Variants in PDILT observed in about 807,000 individuals in gnomAD.
PDILT encodes protein disulfide isomerase like, testis expressed.
In PDILT, 43 loss-of-function variants were observed where a neutral mutation model predicts 53.7. That is an observed-to-expected ratio of 0.80 (90% CI 0.63 to 1.03). PDILT has a LOEUF of 1.03. PDILT is among the 50% of genes least tolerant of loss of function. PDILT has a pLI of 0.00. For missense variants in PDILT, 727 were observed against 712.3 expected, an observed-to-expected ratio of 1.02 and a Z score of -0.24; for synonymous variants, 282 against 274.2, an observed-to-expected ratio of 1.03 and a Z score of -0.28.
At chr16:20,363,520 C>T (rs563854313) in intron 9 of PDILT, among the ~76,000 whole-genome samples, 13 of 151,586 alleles carry the variant, frequency 8.6e-5, no homozygotes, top group South Asian at 8.4e-4. Context: ...TTACAGCACA[C>T]GGGGGTTTTC....
chr16:20,377,109 A>C (rs1966398293), intron 3 of PDILT, among the ~76,000 whole-genome samples: 1 of 152,080 alleles, frequency 6.6e-6, no homozygotes, highest in South Asian at 2.1e-4. Context: ...ACATAGCGAG[A>C]CACTCAGCTC....
At chr16:20,373,144 A>AT (rs1385324023) in intron 5 of PDILT, 22 bp from the exon 6 acceptor site, 16 of 1,582,256 alleles carry the variant, frequency 1.0e-5, no homozygotes, top group Non-Finnish European at 1.4e-5. Context: ...GGAGAAACAT[A>AT]TTGGAGGACA....
intron 10 of PDILT, 102 bp from the exon 11 acceptor site, chr16:20,360,759 C>A: frequency 1.2e-6 from 1 of 822,544 alleles, no homozygotes; most frequent in East Asian, 2.4e-5. Flanking sequence ...CTAACAACCC[C>A]GGGTATGTTA....
rs554225125 is a variant in PDILT, at chr16:20,392,707, A to G, written c.202+6392T>C. On this transcript the variant is annotated intron_variant, in intron 2 of 11. Coordinates refer to ENST00000302451, the MANE Select transcript of PDILT (RefSeq NM_174924.2). ...GATAAGAAAATTTCTGCTGTTGTTG[A>G]GTTCACTGCTTTGAAATACCTGCTA... is the stretch of plus-strand genomic sequence containing the variant. Among the ~76,000 whole-genome samples the G allele has an allele frequency of 5.9e-5, 9 of 152,270 alleles. No homozygotes were observed. In the East Asian group the frequency reaches 1.7e-3, roughly 29 times the overall value.
intron 1 of PDILT, among the ~76,000 whole-genome samples, chr16:20,402,265 G>T (rs7205491): frequency 0.011 from 1,578 of 143,834 alleles, 22 homozygotes; most frequent in African/African-American, 0.04. Context: ...AGATTCAAAA[G>T]TGTTGGAGTC....
intron 3 of PDILT, among the ~76,000 whole-genome samples, chr16:20,380,289 ACTCT>A (rs1360610059): frequency 6.7e-6 from 1 of 148,490 alleles, no homozygotes; most frequent in Non-Finnish European, 1.5e-5. Flanking sequence ...TTAGCCAATC[ACTCT>A]CTGTCTTATG....
chr16:20,400,885 A>C (rs1966732231), intron 1 of PDILT, among the ~76,000 whole-genome samples: 1 of 152,216 alleles, frequency 6.6e-6, no homozygotes, highest in Non-Finnish European at 1.5e-5. Flanking sequence ...CAATAATGTC[A>C]TCATATCATC....
At chr16:20,385,587 G>A (rs1168316852) in intron 2 of PDILT, among the ~76,000 whole-genome samples, 4 of 152,094 alleles carry the variant, frequency 2.6e-5, no homozygotes, top group Admixed American at 6.5e-5. Context: ...ACTCAGATGC[G>A]GGGAGGCTGG....
intron 9 of PDILT, among the ~76,000 whole-genome samples, chr16:20,364,932 T>A (rs1362752582): frequency 2.6e-5 from 4 of 152,164 alleles, no homozygotes; most frequent in African/African-American, 9.7e-5. Flanking sequence ...GTGTAGGTGC[T>A]GAAGTCAGAT....
At chr16:20,397,262 A>G (rs1413381508) in intron 2 of PDILT, among the ~76,000 whole-genome samples, 1 of 152,076 alleles carries the variant, frequency 6.6e-6, no homozygotes, top group African/African-American at 2.4e-5. Context: ...CAGCCTCCCA[A>G]GTAGCTAGGA....
chr16:20,375,926 C>T (rs1966379199), intron 4 of PDILT, 142 bp downstream of exon 4: 5 of 1,023,984 alleles, frequency 4.9e-6, no homozygotes, highest in Non-Finnish European at 7.1e-6. Context: ...TCATTTGAAC[C>T]CTTGGAGCTT....
Position 20,384,839 on chromosome 16 carries a change from G to T in PDILT, c.215C>A (p.Ser72Ter). The T allele has an allele frequency of 6.2e-7, 1 of 1,614,186 alleles. No homozygotes were observed. The highest frequency in any genetic ancestry group is 8.5e-7 in the Non-Finnish European group (1 of 1,180,024). ...TTCCGCCAAGTTCCTGGATTGCTTT[G>T]AGGATGGGTTGTCTGAAAGAGTATG... ...FLMVLFHNPS[S>*]KQSRNLAEEL... is the part of the protein sequence containing the mutation. The change falls in exon 3 of 12, where the codon TCA (serine) becomes TAA (stop). Residue 72 changes from serine (S) to a stop codon, truncating the protein, a stop_gained. Transcript: ENST00000302451. LOFTEE classifies it high-confidence loss of function.
At chr16:20,359,692 G>T in intron 11 of PDILT, 125 bp from the exon 12 acceptor site, 2 of 948,782 alleles carry the variant, frequency 2.1e-6, no homozygotes, top group Non-Finnish European at 3.1e-6. Context: ...AAAGTGCCCA[G>T]AGAGAATCAG....
Position 20,372,847 on chromosome 16 carries a change from G to A in PDILT, c.873C>T (p.Ile291=). The change falls in exon 7 of 12, where the codon ATC becomes ATT. Residue 291 remains isoleucine (I), a synonymous_variant. Coordinates refer to ENST00000302451, the MANE Select transcript of PDILT (RefSeq NM_174924.2). Reference sequence around the variant, plus strand: ...ATGCCAGCTTATAATGCTGAATTATGATACCATATGACTCGGAGCTTTTGG... The same window carrying A: ...ATGCCAGCTTATAATGCTGAATTATAATACCATATGACTCGGAGCTTTTGG... ...FVSKSSESYG[I]IIQHYKLASK... The A allele has an allele frequency of 6.2e-7, 1 of 1,614,048 alleles. No individual in the cohort carries two copies. The highest frequency in any genetic ancestry group is 1.1e-5 in the South Asian group (1 of 91,072).
rs75365253 is a variant in PDILT at position 20,387,353 on chromosome 16, C to T, written c.203-2502G>A. On this transcript the variant is annotated intron_variant, in intron 2 of 11. Transcript: ENST00000302451. Reference sequence around the variant, plus strand: ...TAATAAAGATGGAAAGAAATGAGAGCGCAAGCCATGTAGACATCTAGCAGG... The same window carrying T: ...TAATAAAGATGGAAAGAAATGAGAGTGCAAGCCATGTAGACATCTAGCAGG... Among the ~76,000 whole-genome samples the T allele has an allele frequency of 4.2e-3, 635 of 152,238 alleles. 1 individual carries two copies. Among genetic ancestry groups the T allele is most frequent in the Middle Eastern group, 0.01 (3 of 294 alleles).
intron 1 of PDILT, among the ~76,000 whole-genome samples, chr16:20,404,152 T>C (rs1966784307): frequency 6.6e-6 from 1 of 152,312 alleles, no homozygotes; most frequent in African/African-American, 2.4e-5. Context: ...TCAATGAATG[T>C]TTGTTGAATG....
chr16:20,371,709 G>T (rs1373371648), intron 7 of PDILT, among the ~76,000 whole-genome samples: 2 of 151,696 alleles, frequency 1.3e-5, no homozygotes, highest in African/African-American at 4.8e-5. Flanking sequence ...GGAGATTGAA[G>T]AGTTAAAAAA....
chr16:20,396,710 CT>C (rs1285261422), intron 2 of PDILT, among the ~76,000 whole-genome samples: 53 of 152,316 alleles, frequency 3.5e-4, no homozygotes, highest in African/African-American at 1.1e-3. Flanking sequence ...ACAGTTTAGA[CT>C]ATTTTAATTG....
At chr16:20,385,576 G>A (rs1385946593) in intron 2 of PDILT, among the ~76,000 whole-genome samples, 1 of 152,130 alleles carries the variant, frequency 6.6e-6, no homozygotes, top group African/African-American at 2.4e-5. Flanking sequence ...GGACATTGGA[G>A]ACTCAGATGC....
Sources: allele counts gnomAD v4.1 joint callset (sites outside exome capture counted in the v4.1 genomes callset), GRCh38; gene constraint gnomAD v4.1.1; transcripts MANE v1.5; gene names NCBI Gene and HGNC (gene_info 2026-07-23, HGNC 2026-07-21).